Variants in ABCA12 observed in about 807,000 individuals in gnomAD.
ABCA12 encodes the protein ATP binding cassette subfamily A member 12, also known as glucosylceramide transporter ABCA12.
A neutral mutation model predicts 293.5 loss-of-function variants in ABCA12; 156 were observed. That is an observed-to-expected ratio of 0.53 (90% CI 0.47 to 0.61). ABCA12 has a LOEUF of 0.61. Ranked by LOEUF, ABCA12 falls within the 20% of genes least tolerant of loss-of-function variation. The pLI is 0.00. For synonymous variants in ABCA12, 1,063 were observed against 1,108.0 expected, an observed-to-expected ratio of 0.96 and a Z score of 0.81; for missense variants, 2,797 against 3,090.2, an observed-to-expected ratio of 0.91 and a Z score of 2.25.
chr2:215,058,649 G>A (rs754841680), intron 3 of ABCA12, among the ~76,000 whole-genome samples: 1 of 151,884 alleles, frequency 6.6e-6, no homozygotes, highest in Non-Finnish European at 1.5e-5. Flanking sequence ...AAATCACCAA[G>A]TGGCCCATGG....
At chr2:215,006,867 C>CTTT (rs371764502) in intron 19 of ABCA12, among the ~76,000 whole-genome samples, 5 of 67,864 alleles carry the variant, frequency 7.4e-5, no homozygotes, top group African/African-American at 2.2e-4. Flanking sequence ...AAATTCCTGC[C>CTTT]TTTTTTTTTT....
rs1169588940 is a variant in ABCA12, at chr2:214,945,018, G to A, written c.7326C>T (p.Val2442=). ...CAGTTTACCTGTGAGATGTGAGGAT[G>A]ACGGAACATTTGTTCTGTACTTCTT... ...ISEEVQNKCS[V]ILTSHSMEEC... Residue 2442 remains valine (V), a synonymous_variant, in exon 49 of 53, where the codon GTC becomes GTT. Coordinates refer to ENST00000272895, the MANE Select transcript of ABCA12 (RefSeq NM_173076.3). 6.2e-7 allele frequency: 1 copy of A among 1,613,554 alleles called. No homozygotes were observed.
In ABCA12 at chr2:214,970,123, A is replaced by G; in HGVS notation, c.5690+150T>C. 1.9e-5 allele frequency: 14 copies of G among 743,530 alleles called. No individual in the cohort carries two copies. In the South Asian group the frequency reaches 3.9e-4, roughly 21 times the overall value. The allele number at this position is 743,530 out of a possible 1,614,324, so 46.1% of individuals were successfully genotyped here. A position where few individuals can be genotyped will look rare whatever the true frequency, so the allele number is the denominator to read the frequency against. On this transcript the variant is annotated intron_variant, in intron 37 of 52. Transcript: ENST00000272895. Reference sequence around the variant, plus strand: ...AAATCTTAATTTAGAGTCATTATTTACATTTCAATATATAAGGCTGTTTAA... The same window carrying G: ...AAATCTTAATTTAGAGTCATTATTTGCATTTCAATATATAAGGCTGTTTAA...
chr2:214,950,835 A>G, intron 45 of ABCA12, 44 bp downstream of exon 45: 3 of 1,579,188 alleles, frequency 1.9e-6, no homozygotes, highest in Non-Finnish European at 2.6e-6. Flanking sequence ...GTCACATAGT[A>G]TGCCAATGAA....
At chr2:214,947,688 CACTT>C in intron 47 of ABCA12, 132 bp from the exon 48 acceptor site, 1 of 969,028 alleles carries the variant, frequency 1.0e-6, no homozygotes. Context: ...AAAATGAAAA[CACTT>C]AAATTCAACA....
At chr2:215,071,295 C>T (rs1701734054) in intron 2 of ABCA12, among the ~76,000 whole-genome samples, 1 of 150,142 alleles carries the variant, frequency 6.7e-6, no homozygotes, top group African/African-American at 2.4e-5. Flanking sequence ...ATTTAACATA[C>T]ATCATTTCAT....
chr2:214,975,908 AG>A lies in ABCA12; in HGVS notation c.5257del (p.Leu1753SerfsTer15), dbSNP rs1699505050. The A allele has an allele frequency of 6.2e-7, 1 of 1,613,978 alleles. No homozygotes were observed. Among genetic ancestry groups the A allele is most frequent in the Admixed American group, 1.7e-5 (1 of 59,998 alleles). Reference protein sequence around the residue: ...NWKGLIAQVILPIVFVTTAMG... With the variant: ...NWKGLIAQVIXPIVFVTTAMG... ...GGCAGTGGTAACAAAGACGATGGGG[AG>A]GATAACCTGAGCAATGAGACCTTTC... On this transcript the variant is annotated frameshift_variant, in exon 34 of 53. Coordinates refer to ENST00000272895, the MANE Select transcript of ABCA12 (RefSeq NM_173076.3). LOFTEE classifies it high-confidence loss of function.
At chr2:215,135,303 A>T (rs1399901913) in intron 1 of ABCA12, among the ~76,000 whole-genome samples, 1 of 152,076 alleles carries the variant, frequency 6.6e-6, no homozygotes, top group Non-Finnish European at 1.5e-5. Flanking sequence ...ATTTATCTCC[A>T]ATCTACCTTA....
At chr2:215,138,097 T>C (rs377657170) in intron 1 of ABCA12, 43 bp downstream of exon 1, 68 of 1,568,402 alleles carry the variant, frequency 4.3e-5, no homozygotes, top group Non-Finnish European at 6.0e-5. Flanking sequence ...TTACCTGGCG[T>C]ATTGCCCCAT....
At chr2:215,021,258 C>A (rs1700625474) in intron 11 of ABCA12, among the ~76,000 whole-genome samples, 1 of 152,142 alleles carries the variant, frequency 6.6e-6, no homozygotes, top group South Asian at 2.1e-4. Flanking sequence ...GAGAAGACGC[C>A]TGATTTTTTG....
chr2:215,000,637 G>A, intron 22 of ABCA12, 68 bp downstream of exon 22: 1 of 1,565,716 alleles, frequency 6.4e-7, no homozygotes, highest in Admixed American at 1.7e-5. Context: ...ACATCTGAAT[G>A]AATGGACTGA....
chr2:214,954,925 G>A (rs1249539783), intron 43 of ABCA12, among the ~76,000 whole-genome samples: 2 of 152,146 alleles, frequency 1.3e-5, no homozygotes, highest in Non-Finnish European at 2.9e-5. Context: ...CTGACCAATG[G>A]TTGCGTGATT....
At chr2:215,026,279 C>A (rs1271464864) in intron 10 of ABCA12, among the ~76,000 whole-genome samples, 4 of 152,068 alleles carry the variant, frequency 2.6e-5, no homozygotes, top group Admixed American at 2.0e-4. Flanking sequence ...GAAAGTAGGT[C>A]TTTTCTCTCA....
At position 214,982,223 on chromosome 2, in the gene ABCA12, G is replaced by A. The variant is rs748413124; in HGVS notation, c.4543C>T (p.Arg1515Ter). The A allele has an allele frequency of 3.7e-6, 6 of 1,613,686 alleles. No individual in the cohort carries two copies. Among genetic ancestry groups the A allele is most frequent in the South Asian group, 1.1e-5 (1 of 91,072 alleles). The change falls in exon 30 of 53, where the codon CGA becomes TGA. Residue 1515 changes from arginine (R) to a stop codon, truncating the protein, a stop_gained. Transcript: ENST00000272895. LOFTEE classifies it high-confidence loss of function. ...PSTGVDPCSR[R>*]SIWDVISKNK... ...TTGGATATAACATCCCATATACTTCGGCGAGAACATGGGTCAACTCCAGTA... is the reference window on the plus strand; with the variant it reads ...TTGGATATAACATCCCATATACTTCAGCGAGAACATGGGTCAACTCCAGTA...
intron 1 of ABCA12, among the ~76,000 whole-genome samples, chr2:215,124,859 T>C (rs1050311390): frequency 6.6e-6 from 1 of 152,218 alleles, no homozygotes; most frequent in Non-Finnish European, 1.5e-5. Flanking sequence ...TTTTGGGTTC[T>C]TGGTCATGAA....
intron 26 of ABCA12, among the ~76,000 whole-genome samples, chr2:214,988,187 A>T (rs1164949023): frequency 6.6e-6 from 1 of 152,206 alleles, no homozygotes; most frequent in African/African-American, 2.4e-5. Context: ...GTGTAGACAT[A>T]TTCATCTATG....
intron 22 of ABCA12, among the ~76,000 whole-genome samples, chr2:214,999,154 G>C (rs556820130): frequency 6.6e-6 from 1 of 152,222 alleles, no homozygotes; most frequent in Admixed American, 6.5e-5. Context: ...TGTATGGCAT[G>C]GGGTAGGCAT....
Position 215,010,335 on chromosome 2 carries a change from T to C in ABCA12, c.2468A>G (p.Glu823Gly). The stretch of plus-strand genomic sequence containing the variant: ...ACTGAGTTATAATGGTCAAACCTTT[T>C]CCATTATTGCCTTTGTGACTGGGTT... ...PYNPVTKAIM[E>G]KSNVTLRQLA... Residue 823 changes from glutamate to glycine, a missense_variant, in exon 18 of 53, where the codon GAA (glutamate) becomes GGA (glycine). Coordinates refer to ENST00000272895, the MANE Select transcript of ABCA12 (RefSeq NM_173076.3). 6.2e-7 allele frequency: 1 copy of C among 1,613,712 alleles called. No individual in the cohort carries two copies. The highest frequency in any genetic ancestry group is 8.5e-7 in the Non-Finnish European group (1 of 1,179,672).
intron 1 of ABCA12, among the ~76,000 whole-genome samples, chr2:215,112,455 T>C (rs1168363384): frequency 2.0e-5 from 3 of 149,926 alleles, no homozygotes; most frequent in African/African-American, 7.4e-5. Context: ...CAAAAACACA[T>C]ACTGCATTGA....
Sources: allele counts gnomAD v4.1 joint callset (sites outside exome capture counted in the v4.1 genomes callset), GRCh38; gene constraint gnomAD v4.1.1; transcripts MANE v1.5; gene names NCBI Gene and HGNC (gene_info 2026-07-23, HGNC 2026-07-21).